SHISA9: variants seen among roughly 807,000 people sequenced by gnomAD.
SHISA9 encodes the protein shisa family member 9.
A neutral mutation model predicts 38.0 loss-of-function variants in SHISA9; 13 were observed. That is an observed-to-expected ratio of 0.34 (90% confidence interval 0.22 to 0.54). The LOEUF (loss-of-function observed/expected upper bound fraction) is 0.54. SHISA9 is among the 20% of genes least tolerant of loss of function. The probability of loss-of-function intolerance (pLI) is 0.91; values close to 1 mark genes in which losing one functional copy is unlikely to be tolerated. For missense variants in SHISA9, 538 were observed against 575.8 expected (o/e 0.93, Z 0.67); for synonymous variants, 275 against 242.0 (o/e 1.14, Z -1.27).
intron 2 of SHISA9, among the ~76,000 whole-genome samples, chr16:13,069,267 T>C (rs1037794410): frequency 8.5e-5 from 13 of 152,192 alleles, no homozygotes; most frequent in African/African-American, 2.7e-4. Flanking sequence ...GTACATGCAA[T>C]GTGTGCGTGT....
At chr16:13,401,295 C>G in the SHISA9 span, among the ~76,000 whole-genome samples, 1 of 152,190 alleles carries the variant, frequency 6.6e-6, no homozygotes, top group Non-Finnish European at 1.5e-5. Context: ...TAAGGAACTT[C>G]CCTGAAGCCA....
chr16:13,110,610 A>G (rs1244980833), intron 2 of SHISA9, among the ~76,000 whole-genome samples: 3 of 152,192 alleles, frequency 2.0e-5, no homozygotes, highest in Non-Finnish European at 4.4e-5. Context: ...GAACTTGAGC[A>G]AGACTCAAAG....
intron 2 of SHISA9, among the ~76,000 whole-genome samples, chr16:13,015,907 T>TTTTTC (rs1555454844): frequency 1.6e-5 from 1 of 61,642 alleles, no homozygotes; most frequent in Non-Finnish European, 4.2e-5. Context: ...TCTTTCTTTC[T>TTTTTC]TTTCTTTCTT....
At chr16:13,261,164 A>G in the SHISA9 span, among the ~76,000 whole-genome samples, 1 of 152,174 alleles carries the variant, frequency 6.6e-6, no homozygotes, top group East Asian at 1.9e-4. Context: ...ACCGTATCAA[A>G]TGGTAAACAA....
chr16:13,412,333 A>G, the SHISA9 span, among the ~76,000 whole-genome samples: 1 of 152,142 alleles, frequency 6.6e-6, no homozygotes, highest in Non-Finnish European at 1.5e-5. Context: ...CCCCGATGAA[A>G]ATAGGGATGT....
chr16:13,489,354 G>A, the SHISA9 span, among the ~76,000 whole-genome samples: 1 of 152,088 alleles, frequency 6.6e-6, no homozygotes, highest in African/African-American at 2.4e-5. Flanking sequence ...CCTGCCTAAC[G>A]ATGCATTCTT....
chr16:13,385,365 C>T, the SHISA9 span, among the ~76,000 whole-genome samples: 12 of 152,192 alleles, frequency 7.9e-5, no homozygotes, highest in Admixed American at 7.2e-4. Flanking sequence ...CAGCTTTATT[C>T]ATAGTAGCCC....
At chr16:13,182,231 CATT>C (rs2050784917) in intron 2 of SHISA9, among the ~76,000 whole-genome samples, 1 of 152,074 alleles carries the variant, frequency 6.6e-6, no homozygotes, top group Admixed American at 6.6e-5. Flanking sequence ...AAATAAGTGT[CATT>C]ATTCTTATTT....
At chr16:13,262,449 A>T in the SHISA9 span, among the ~76,000 whole-genome samples, 2 of 152,132 alleles carry the variant, frequency 1.3e-5, no homozygotes, top group African/African-American at 4.8e-5. Flanking sequence ...CACTCTGTCT[A>T]TATCAGAAGG....
intron 2 of SHISA9, among the ~76,000 whole-genome samples, chr16:13,036,611 C>G (rs1176779167): frequency 6.6e-6 from 1 of 152,008 alleles, no homozygotes; most frequent in Non-Finnish European, 1.5e-5. Flanking sequence ...AATGCATGCA[C>G]TTGCATATAA....
At chr16:13,485,200 C>A in the SHISA9 span, among the ~76,000 whole-genome samples, 1,550 of 152,016 alleles carry the variant, frequency 0.01, 31 homozygotes, top group African/African-American at 0.036. Flanking sequence ...TTGCCCCGCA[C>A]CCCCCGACAG....
the SHISA9 span, among the ~76,000 whole-genome samples, chr16:13,465,739 C>G: frequency 2.0e-5 from 3 of 152,188 alleles, no homozygotes; most frequent in African/African-American, 7.2e-5. Context: ...CTCCATGGAC[C>G]TGTCTCTCTC....
chr16:13,069,164 T>C (rs115535334), intron 2 of SHISA9, among the ~76,000 whole-genome samples: 1,920 of 150,264 alleles, frequency 0.013, 35 homozygotes, highest in African/African-American at 0.044. Flanking sequence ...TGTGTATATA[T>C]GTGTGTACAT....
At chr16:13,504,720 A>G in the SHISA9 span, among the ~76,000 whole-genome samples, 2 of 152,222 alleles carry the variant, frequency 1.3e-5, no homozygotes, top group Non-Finnish European at 1.5e-5. Context: ...GCTCCATGCC[A>G]TAATAATGTA....
At chr16:13,188,218 A>G (rs757008083) in intron 2 of SHISA9, among the ~76,000 whole-genome samples, 21 of 152,250 alleles carry the variant, frequency 1.4e-4, no homozygotes, top group Non-Finnish European at 2.5e-4. Flanking sequence ...TTGCTAACCC[A>G]GTCCATGAAA....
intron 2 of SHISA9, among the ~76,000 whole-genome samples, chr16:13,093,755 G>A (rs556022538): frequency 6.6e-6 from 1 of 152,106 alleles, no homozygotes; most frequent in Non-Finnish European, 1.5e-5. Flanking sequence ...CTTTGCATCC[G>A]TTTGTGTCTT....
chr16:13,234,431 A>G (rs2051360975), intron 4 of SHISA9, among the ~76,000 whole-genome samples: 1 of 152,352 alleles, frequency 6.6e-6, no homozygotes, highest in South Asian at 2.1e-4. Context: ...GATGCTGACA[A>G]ATGTTAAGTA....
the SHISA9 span, among the ~76,000 whole-genome samples, chr16:13,336,807 G>T: frequency 6.6e-6 from 1 of 152,136 alleles, no homozygotes; most frequent in Non-Finnish European, 1.5e-5. Context: ...GGCACAGCTA[G>T]CTTTCCTCAC....
At chr16:13,110,280 C>T (rs1400905199) in intron 2 of SHISA9, among the ~76,000 whole-genome samples, 1 of 152,218 alleles carries the variant, frequency 6.6e-6, no homozygotes, top group African/African-American at 2.4e-5. Context: ...ATTCCTGCCA[C>T]AGCCAACCCC....
Sources: allele counts gnomAD v4.1 joint callset (sites outside exome capture counted in the v4.1 genomes callset), GRCh38; gene constraint gnomAD v4.1.1; transcripts MANE v1.5; gene names NCBI Gene and HGNC (gene_info 2026-07-23, HGNC 2026-07-21).